The following ANTXR2 variants were observed in gnomAD, a reference collection of about 807,000 sequenced individuals.
ANTXR2 encodes anthrax toxin receptor 2.
Under a neutral mutation model 73.7 loss-of-function variants are expected in ANTXR2, and 44 were observed. That is an observed-to-expected ratio of 0.60 (90% CI 0.47 to 0.77). ANTXR2 has a LOEUF of 0.77. Ranked by LOEUF, ANTXR2 falls within the 30% of genes least tolerant of loss-of-function variation. ANTXR2 has a pLI of 0.00. For missense variants in ANTXR2, 604 were observed against 592.5 expected (o/e 1.02, Z -0.20); for synonymous variants, 217 against 205.9 (o/e 1.05, Z -0.46).
intron 16 of ANTXR2, among the ~76,000 whole-genome samples, chr4:79,929,498 C>T (rs922454156): frequency 1.3e-5 from 2 of 151,996 alleles, no homozygotes; most frequent in Admixed American, 6.6e-5. Context: ...GGCAACAGAG[C>T]GAGACTCAGT....
At chr4:79,954,367 A>G (rs1413452517) in intron 16 of ANTXR2, among the ~76,000 whole-genome samples, 1 of 152,174 alleles carries the variant, frequency 6.6e-6, no homozygotes, top group African/African-American at 2.4e-5. Context: ...AAATGGCAAT[A>G]AAAATATTTT....
chr4:79,909,017 CA>C (rs1300506723), intron 16 of ANTXR2, among the ~76,000 whole-genome samples: 5 of 151,454 alleles, frequency 3.3e-5, no homozygotes, highest in East Asian at 1.9e-4. Context: ...ATAATTGAGG[CA>C]AAAAAAGTAG....
Position 79,905,266 on chromosome 4 carries a change from A to T in ANTXR2, c.*2163T>A, listed in dbSNP as rs1372832117. 2.6e-5 allele frequency: 4 copies of T among 152,224 alleles called. No individual in the cohort carries two copies. Among genetic ancestry groups the T allele is most frequent in the African/African-American group, 9.6e-5 (4 of 41,466 alleles). The allele number at this position is 152,224 out of a possible 1,614,324, so 9.4% of individuals were successfully genotyped here. On this transcript the variant is annotated 3_prime_UTR_variant, in exon 17 of 17. Transcript: ENST00000403729. ...GTAGTATTCTCAATGATATTAAAATAGCAATAATTGGTGTGCACTCATCAG... is the reference window on the plus strand; with the variant it reads ...GTAGTATTCTCAATGATATTAAAATTGCAATAATTGGTGTGCACTCATCAG...
intron 10 of ANTXR2, among the ~76,000 whole-genome samples, chr4:80,029,024 C>T (rs1216385513): frequency 6.6e-6 from 1 of 152,122 alleles, no homozygotes; most frequent in Non-Finnish European, 1.5e-5. Flanking sequence ...TGTCCCAGAA[C>T]ATTCTCAGTT....
chr4:80,019,006 A>G (rs1034182867), intron 10 of ANTXR2, 30 bp from the exon 11 acceptor site: 7 of 1,383,704 alleles, frequency 5.1e-6, no homozygotes, highest in Non-Finnish European at 6.7e-6. Context: ...ATAATTTTAT[A>G]TACATTTAAA....
At chr4:80,018,534 T>G (rs1731990897) in intron 11 of ANTXR2, among the ~76,000 whole-genome samples, 1 of 152,204 alleles carries the variant, frequency 6.6e-6, no homozygotes, top group South Asian at 2.1e-4. Flanking sequence ...TGATAAATGT[T>G]TAGATACTGT....
At chr4:79,919,114 A>G (rs982367769) in intron 16 of ANTXR2, among the ~76,000 whole-genome samples, 8 of 152,126 alleles carry the variant, frequency 5.3e-5, no homozygotes, top group Non-Finnish European at 1.2e-4. Flanking sequence ...GAAGAAAGGA[A>G]CAGAAGAAAA....
Position 80,026,298 on chromosome 4 carries a change from A to C in ANTXR2, c.866+5325T>G, listed in dbSNP as rs572365810. 2.0e-5 allele frequency among the ~76,000 whole-genome samples: 3 copies of C among 152,216 alleles called. No individual in the cohort carries two copies. In the East Asian group the frequency reaches 5.8e-4, roughly 29 times the overall value. The stretch of plus-strand genomic sequence containing the variant: ...TGGGCTTGCACTTCTCTCTCCTGCC[A>C]CCATGTGAAGGTCTTTGCTCCCCCT... On this transcript the variant is annotated intron_variant, in intron 10 of 16. Transcript: ENST00000403729.
Position 80,044,059 on chromosome 4 carries a change from C to A in ANTXR2, c.637-8027G>T, listed in dbSNP as rs566863923. ...CAACGCTAAGTCAGAGGGACAAATA[C>A]TCCAAGAATCCAACGGGCTACAAAG... On this transcript the variant is annotated intron_variant, in intron 7 of 16. Coordinates refer to ENST00000403729, the MANE Select transcript of ANTXR2 (RefSeq NM_058172.6). Among the ~76,000 whole-genome samples, 85 of 152,038 alleles carry A rather than the reference C, an allele frequency of 5.6e-4. No individual in the cohort carries two copies. In the South Asian group the frequency reaches 0.017, roughly 31 times the overall value.
chr4:79,956,610 A>G (rs1312831948), intron 16 of ANTXR2, among the ~76,000 whole-genome samples: 1 of 152,136 alleles, frequency 6.6e-6, no homozygotes, highest in Non-Finnish European at 1.5e-5. Context: ...CATACATAAG[A>G]CATAGTAGGT....
chr4:80,024,377 A>G (rs1732317676), intron 10 of ANTXR2, among the ~76,000 whole-genome samples: 1 of 152,226 alleles, frequency 6.6e-6, no homozygotes, highest in African/African-American at 2.4e-5. Flanking sequence ...TAGTAAAAAG[A>G]TCTTGCCAGG....
chr4:79,907,559 AT>A, intron 16 of ANTXR2, 92 bp from the exon 17 acceptor site: 2 of 1,361,958 alleles, frequency 1.5e-6, no homozygotes, highest in Non-Finnish European at 1.0e-6. Context: ...ATAATAAATG[AT>A]TACCCAAGGA....
intron 12 of ANTXR2, among the ~76,000 whole-genome samples, chr4:80,001,301 T>C (rs1404355102): frequency 2.7e-5 from 4 of 146,654 alleles, no homozygotes; most frequent in Non-Finnish European, 6.0e-5. Flanking sequence ...TATCTCCCGA[T>C]GCTATCCCTC....
At chr4:79,993,752 A>ACACACGCGCGCGCGCG (rs1489673768) in intron 12 of ANTXR2, among the ~76,000 whole-genome samples, 1 of 111,742 alleles carries the variant, frequency 8.9e-6, no homozygotes, top group Non-Finnish European at 1.8e-5. Flanking sequence ...CACCACACAC[A>ACACACGCGCGCGCGCG]CACACACGCA....
chr4:79,979,649 T>G, intron 14 of ANTXR2, among the ~76,000 whole-genome samples: 1 of 152,176 alleles, frequency 6.6e-6, no homozygotes, highest in African/African-American at 2.4e-5. Context: ...TTTTATGAGG[T>G]TGTTAAAATT....
chr4:80,054,606 GGA>G (rs1200011066), intron 6 of ANTXR2, among the ~76,000 whole-genome samples: 1 of 23,076 alleles, frequency 4.3e-5, no homozygotes, highest in African/African-American at 1.0e-4. Context: ...ACAGTGCAGA[GGA>G]AATCTAACAG....
intron 7 of ANTXR2, among the ~76,000 whole-genome samples, chr4:80,044,844 G>A (rs949013271): frequency 2.6e-4 from 39 of 151,516 alleles, no homozygotes; most frequent in African/African-American, 7.5e-4. Flanking sequence ...AGTATATAGC[G>A]CAATATCTTA....
intron 12 of ANTXR2, among the ~76,000 whole-genome samples, chr4:79,989,093 A>T (rs1404707839): frequency 6.6e-6 from 1 of 152,068 alleles, no homozygotes; most frequent in African/African-American, 2.4e-5. Context: ...GGAACGAGGA[A>T]AACATGAGTA....
chr4:80,024,593 T>C, intron 10 of ANTXR2: 1 of 362,588 alleles, frequency 2.8e-6, no homozygotes, highest in Non-Finnish European at 5.4e-6. Context: ...AAACCCTGTC[T>C]ATACAAAATG....
Sources: gnomAD v4.1 joint callset for allele counts (sites outside exome capture counted in the v4.1 genomes callset) on GRCh38, gnomAD v4.1.1 for gene constraint, MANE v1.5 for transcripts, NCBI Gene and HGNC (gene_info 2026-07-23, HGNC 2026-07-21) for gene names.